The following SHQ1 variants were observed in gnomAD, a reference collection of about 807,000 sequenced individuals.
SHQ1 encodes the protein protein SHQ1 homolog.
Under a neutral mutation model 53.8 loss-of-function variants are expected in SHQ1, and 49 were observed. That is an observed-to-expected ratio of 0.91 (90% CI 0.72 to 1.16). The LOEUF (loss-of-function observed/expected upper bound fraction) is 1.16. SHQ1 is among the 50% of genes most tolerant of loss of function. The pLI is 0.00. For synonymous variants in SHQ1, 243 were observed against 251.0 expected (o/e 0.97, Z 0.30); for missense variants, 738 against 683.1 (o/e 1.08, Z -0.90).
intron 10 of SHQ1, among the ~76,000 whole-genome samples, chr3:72,778,753 C>T (rs1393676828): frequency 1.3e-5 from 2 of 152,056 alleles, no homozygotes; most frequent in Non-Finnish European, 2.9e-5. Flanking sequence ...GGCCATTATC[C>T]AGAATTATGA....
the SHQ1 span, among the ~76,000 whole-genome samples, chr3:72,731,405 G>C: frequency 6.6e-6 from 1 of 151,436 alleles, no homozygotes. Flanking sequence ...CTCAGTTTGG[G>C]CTGGGCGCGG....
At chr3:72,788,310 C>T (rs1214577036) in intron 10 of SHQ1, among the ~76,000 whole-genome samples, 3 of 150,840 alleles carry the variant, frequency 2.0e-5, no homozygotes, top group African/African-American at 7.3e-5. Flanking sequence ...GTGAGGAGCG[C>T]CTCTGCCCGG....
intron 10 of SHQ1, among the ~76,000 whole-genome samples, chr3:72,758,042 A>C (rs974392411): frequency 6.6e-6 from 1 of 152,232 alleles, no homozygotes. Flanking sequence ...GAAAAGAACC[A>C]GTTCCATACT....
chr3:72,835,074 C>T (rs921668117), intron 4 of SHQ1, among the ~76,000 whole-genome samples: 2 of 151,790 alleles, frequency 1.3e-5, no homozygotes, highest in Non-Finnish European at 2.9e-5. Flanking sequence ...GGTTTGCAGC[C>T]CCACATCATA....
intron 4 of SHQ1, among the ~76,000 whole-genome samples, chr3:72,840,560 C>CAA (rs572046519): frequency 3.1e-5 from 3 of 97,352 alleles, no homozygotes; most frequent in Non-Finnish European, 4.5e-5. Context: ...GACTCCGTCT[C>CAA]AAAAAAAAAA....
At chr3:72,759,677 G>A (rs1705571509) in intron 10 of SHQ1, among the ~76,000 whole-genome samples, 1 of 151,698 alleles carries the variant, frequency 6.6e-6, no homozygotes, top group Non-Finnish European at 1.5e-5. Context: ...AGCAACAGAG[G>A]GAGACTCTTG....
chr3:72,752,563 T>C (rs1407047756), intron 10 of SHQ1, among the ~76,000 whole-genome samples: 1 of 152,104 alleles, frequency 6.6e-6, no homozygotes, highest in African/African-American at 2.4e-5. Flanking sequence ...AGTCTCACTG[T>C]GTCGCCAGGC....
rs141787437 is a variant in SHQ1, at chr3:72,781,531, T to G, written c.1181+11385A>C. On this transcript the variant is annotated intron_variant, in intron 10 of 10. Coordinates refer to ENST00000325599, the MANE Select transcript of SHQ1 (RefSeq NM_018130.3). ...GACACTACAAATGCAGTTTTTCTCA[T>G]TGTTTTGGTGCACCATTTTATTATT... 7.4e-3 allele frequency among the ~76,000 whole-genome samples: 1,130 copies of G among 152,268 alleles called. 19 individuals carry two copies. Among genetic ancestry groups the G allele is most frequent in the African/African-American group, 0.026 (1,064 of 41,546 alleles).
chr3:72,840,540 G>A (rs956578779), intron 4 of SHQ1, among the ~76,000 whole-genome samples: 4 of 144,362 alleles, frequency 2.8e-5, no homozygotes, highest in East Asian at 2.0e-4. Flanking sequence ...CAGCCTTGGC[G>A]ACAGGGTAAG....
chr3:72,843,930 A>T (rs1257499523), intron 2 of SHQ1, among the ~76,000 whole-genome samples: 1 of 152,244 alleles, frequency 6.6e-6, no homozygotes, highest in Non-Finnish European at 1.5e-5. Context: ...AGAAAATTCA[A>T]TTAGCCTTTA....
chr3:72,840,066 A>G (rs1708121349), intron 4 of SHQ1, among the ~76,000 whole-genome samples: 1 of 151,908 alleles, frequency 6.6e-6, no homozygotes, highest in South Asian at 2.1e-4. Context: ...AATTTGGCCA[A>G]CATGGCAAAA....
At chr3:72,753,566 G>T (rs2106704204) in intron 10 of SHQ1, 4 of 985,410 alleles carry the variant, frequency 4.1e-6, no homozygotes, top group Middle Eastern at 5.2e-4. Context: ...GCACAGTGCG[G>T]TGAGTGGGAC....
At chr3:72,762,154 C>T (rs1705625346) in intron 10 of SHQ1, among the ~76,000 whole-genome samples, 1 of 152,154 alleles carries the variant, frequency 6.6e-6, no homozygotes, top group Admixed American at 6.5e-5. Context: ...CACATACACA[C>T]ACATCCATTT....
At chr3:72,732,830 A>C in the SHQ1 span, among the ~76,000 whole-genome samples, 55 of 151,584 alleles carry the variant, frequency 3.6e-4, no homozygotes, top group South Asian at 0.011. Flanking sequence ...TGATCACAGC[A>C]GAGGCCAGCG....
chr3:72,817,491 G>A, intron 6 of SHQ1, 107 bp from the exon 7 acceptor site: 2 of 1,084,390 alleles, frequency 1.8e-6, no homozygotes, highest in Non-Finnish European at 2.6e-6. Context: ...TGAAATAAAA[G>A]TTCTTTCTAC....
intron 10 of SHQ1, among the ~76,000 whole-genome samples, chr3:72,752,321 G>A (rs1705402756): frequency 1.3e-5 from 2 of 152,144 alleles, no homozygotes. Flanking sequence ...ACAGAAAACA[G>A]TAACTTCTGT....
intron 9 of SHQ1, among the ~76,000 whole-genome samples, chr3:72,805,751 T>A (rs1706922073): frequency 6.6e-6 from 1 of 152,196 alleles, no homozygotes; most frequent in Non-Finnish European, 1.5e-5. Context: ...TTTCAAAGAA[T>A]ACTAACATTT....
chr3:72,761,224 T>G (rs1432895974), intron 10 of SHQ1, among the ~76,000 whole-genome samples: 1 of 152,112 alleles, frequency 6.6e-6, no homozygotes, highest in Non-Finnish European at 1.5e-5. Context: ...CAGGCTGGAG[T>G]GCAGTGGCTC....
At chr3:72,838,077 A>C (rs1206372261) in intron 4 of SHQ1, among the ~76,000 whole-genome samples, 3 of 152,240 alleles carry the variant, frequency 2.0e-5, no homozygotes, top group African/African-American at 4.8e-5. Context: ...TGGTGCACAC[A>C]CCATACTTTA....
Sources: gnomAD v4.1 joint callset for allele counts (sites outside exome capture counted in the v4.1 genomes callset) on GRCh38, gnomAD v4.1.1 for gene constraint, MANE v1.5 for transcripts, NCBI Gene and HGNC (gene_info 2026-07-23, HGNC 2026-07-21) for gene names.